HERC1: variants seen among roughly 807,000 people sequenced by gnomAD.
HERC1 encodes the protein probable E3 ubiquitin-protein ligase HERC1.
Under a neutral mutation model 554.3 loss-of-function variants are expected in HERC1, and 160 were observed. The observed-to-expected ratio is 0.29, with a 90% confidence interval of 0.25 to 0.33. The LOEUF is 0.33. Among genes scored for constraint, HERC1 ranks in the 10% least tolerant of loss-of-function variants. The pLI, the probability that HERC1 is intolerant of heterozygous loss-of-function variation, is 1.00. For synonymous variants in HERC1, 2,175 were observed against 2,131.7 expected (o/e 1.02, Z -0.56); for missense variants, 4,919 against 5,918.5 (o/e 0.83, Z 5.54).
At position 63,698,638 on chromosome 15, in the gene HERC1, A is replaced by G. The variant is rs915276328; in HGVS notation, c.4905+90T>C. On this transcript the variant is annotated intron_variant, in intron 26 of 77. Coordinates refer to ENST00000443617, the MANE Select transcript of HERC1 (RefSeq NM_003922.4). Reference sequence around the variant, plus strand: ...GAAAGGGGAAGGCAAGGAATAGAAGAAAAGGAAAGGTTTTCCCTAGAACTA... The same window carrying G: ...GAAAGGGGAAGGCAAGGAATAGAAGGAAAGGAAAGGTTTTCCCTAGAACTA... 57 of 1,306,902 alleles carry G rather than the reference A, an allele frequency of 4.4e-5. 1 individual carries two copies. In the South Asian group the frequency reaches 8.3e-4, roughly 19 times the overall value. 81.0% of individuals were successfully genotyped at this position (1,306,902 alleles called of 1,614,324 possible). A position where few individuals can be genotyped will look rare whatever the true frequency, so the allele number is the denominator to read the frequency against.
rs776332804 is a variant in HERC1 at position 63,612,563 on chromosome 15, C to A, written c.14095-7G>T. On this transcript the variant is annotated splice_polypyrimidine_tract_variant and splice_region_variant and intron_variant, in intron 76 of 77. Transcript: ENST00000443617. The surrounding 1 kb of genome is among the most constrained non-coding windows in gnomAD (Gnocchi z 5.0). ...CTTCTCGGACTGCAGCCACCTGCTC[C>A]CGGGAGAGGTTGCTCATTCAATGAG... The A allele has an allele frequency of 7.5e-6, 12 of 1,610,138 alleles. No homozygotes were observed. In the African/African-American group the frequency reaches 1.3e-4, roughly 18 times the overall value.
chr15:63,776,426 C>T (rs1295142172), intron 1 of HERC1, among the ~76,000 whole-genome samples: 2 of 152,142 alleles, frequency 1.3e-5, no homozygotes, highest in Non-Finnish European at 2.9e-5. Flanking sequence ...AATGGAACAC[C>T]CACTTTGGAA....
At chr15:63,625,948 A>C in intron 71 of HERC1, 37 bp downstream of exon 71, 2 of 1,583,364 alleles carry the variant, frequency 1.3e-6, no homozygotes, top group South Asian at 2.3e-5. Flanking sequence ...TTACCAAGCC[A>C]GTCTGTGCCT....
intron 70 of HERC1, 57 bp downstream of exon 70, chr15:63,628,620 C>T: frequency 1.3e-6 from 2 of 1,530,576 alleles, no homozygotes; most frequent in Non-Finnish European, 1.8e-6. Context: ...GCAGACAGTG[C>T]CATGGGGTAC....
rs1284974597 is a variant in HERC1, at chr15:63,699,119, T to C, written c.4637-123A>G. Reference sequence around the variant, plus strand: ...TGAAAAATGGATACTCATGTTTGAATACGCGCATGCATTAAGTGAATCTGA... The same window carrying C: ...TGAAAAATGGATACTCATGTTTGAACACGCGCATGCATTAAGTGAATCTGA... On this transcript the variant is annotated intron_variant, in intron 25 of 77. Transcript: ENST00000443617. The C allele has an allele frequency of 4.9e-6, 4 of 816,312 alleles. No homozygotes were observed. In the African/African-American group the frequency reaches 5.1e-5, roughly 10 times the overall value. The allele number at this position is 816,312 out of a possible 1,614,324, so 50.6% of individuals were successfully genotyped here.
rs151238719 is a variant in HERC1 at position 63,746,333 on chromosome 15, T to G, written c.2520+585A>C. Among the ~76,000 whole-genome samples, 1,083 of 152,290 alleles carry G rather than the reference T, an allele frequency of 7.1e-3. 14 individuals are homozygous for G. Among genetic ancestry groups the G allele is most frequent in the African/African-American group, 0.025 (1,042 of 41,552 alleles). ...TTAAAAATTACTGTACTTTCTATTA[T>G]TACCTACCAAAAGAGTTTATTTTCT... On this transcript the variant is annotated intron_variant, in intron 12 of 77. Transcript: ENST00000443617.
At chr15:63,807,780 A>C (rs1208216766) in intron 1 of HERC1, among the ~76,000 whole-genome samples, 1 of 152,092 alleles carries the variant, frequency 6.6e-6, no homozygotes, top group Non-Finnish European at 1.5e-5. Context: ...AGATATGTTC[A>C]ATCCTACCTT....
intron 68 of HERC1, chr15:63,632,430 C>T (rs1346553151): frequency 2.2e-6 from 1 of 461,530 alleles, no homozygotes; most frequent in South Asian, 2.1e-5. Context: ...GGCAGCATGT[C>T]AAGGGCAGTA....
At chr15:63,784,119 T>G (rs1197839111) in intron 1 of HERC1, among the ~76,000 whole-genome samples, 2 of 151,940 alleles carry the variant, frequency 1.3e-5, no homozygotes, top group Admixed American at 1.3e-4. Context: ...ATGAGCAAAT[T>G]TCCAAAGGTT....
At position 63,630,598 on chromosome 15, in the gene HERC1, A is replaced by C. The variant is rs1237604482; in HGVS notation, c.12834T>G (p.Asn4278Lys). 1 of 1,613,296 alleles carries C rather than the reference A, an allele frequency of 6.2e-7. No homozygotes were observed. Among genetic ancestry groups the C allele is most frequent in the Admixed American group, 1.7e-5 (1 of 59,870 alleles). Residue 4278 changes from asparagine (N) to lysine (K), a missense_variant, in exon 69 of 78, where the codon AAT (asparagine) becomes AAG (lysine). This residue lies in a region of HERC1 where 410 missense variants were observed against 467.0 expected (regional missense o/e 0.88). Coordinates refer to ENST00000443617, the MANE Select transcript of HERC1 (RefSeq NM_003922.4). ...CAGGGATTTGTTGCGGTCGATTGTGATTGCGAGCACGCCCCTCTGGCAAGC... is the reference window on the plus strand; with the variant it reads ...CAGGGATTTGTTGCGGTCGATTGTGCTTGCGAGCACGCCCCTCTGGCAAGC... The part of the protein sequence containing the change: ...LIGLPEGRAR[N>K]HNRPQQIPVL...
chr15:63,750,838 G>A (rs1424392428), intron 8 of HERC1, among the ~76,000 whole-genome samples: 1 of 152,122 alleles, frequency 6.6e-6, no homozygotes, highest in Non-Finnish European at 1.5e-5. Flanking sequence ...GAGCTGGGAT[G>A]GGGAAGATCT....
intron 74 of HERC1, among the ~76,000 whole-genome samples, chr15:63,619,842 C>A (rs1459194912): frequency 6.6e-6 from 1 of 151,954 alleles, no homozygotes. Flanking sequence ...GTGGTGATAT[C>A]CCCTTTGTCA....
intron 1 of HERC1, among the ~76,000 whole-genome samples, chr15:63,777,925 G>A (rs1217075243): frequency 6.6e-6 from 1 of 152,152 alleles, no homozygotes; most frequent in African/African-American, 2.4e-5. Context: ...TATAGGACAA[G>A]CTGAGTCCAA....
intron 1 of HERC1, among the ~76,000 whole-genome samples, chr15:63,819,745 T>TGAAAAATAA (rs2077621440): frequency 6.6e-6 from 1 of 152,194 alleles, no homozygotes; most frequent in South Asian, 2.1e-4. Flanking sequence ...GATGGGGTTT[T>TGAAAAATAA]CTATCAGCCA....
intron 24 of HERC1, 48 bp downstream of exon 24, chr15:63,712,727 A>G (rs754742610): frequency 9.5e-6 from 15 of 1,582,312 alleles, no homozygotes; most frequent in African/African-American, 1.4e-5. Context: ...TACATATCAT[A>G]TACCTTGAAA....
rs779350673 is a variant in HERC1 at position 63,694,568 on chromosome 15, G to A, written c.5243-19C>T. The A allele has an allele frequency of 1.9e-6, 3 of 1,594,106 alleles. No homozygotes were observed. Among genetic ancestry groups the A allele is most frequent in the African/African-American group, 1.3e-5 (1 of 74,404 alleles). ...TGGGCTTCTAAAAGACAAAGAGACAGTTAAGAATCTTCCTTTCAGTAAACA... is the reference window on the plus strand; with the variant it reads ...TGGGCTTCTAAAAGACAAAGAGACAATTAAGAATCTTCCTTTCAGTAAACA... On this transcript the variant is annotated intron_variant, in intron 28 of 77. Transcript: ENST00000443617. The surrounding 1 kb of genome is among the most constrained non-coding windows in gnomAD (Gnocchi z 4.3).
At chr15:63,660,110 G>C (rs532522425) in intron 46 of HERC1, among the ~76,000 whole-genome samples, 174 bp from the exon 47 acceptor site, 10 of 152,182 alleles carry the variant, frequency 6.6e-5, no homozygotes, top group African/African-American at 2.2e-4. Flanking sequence ...CATGAGGTCA[G>C]GAATTTGAGA....
chr15:63,664,824 G>A (rs1049910954), intron 42 of HERC1, among the ~76,000 whole-genome samples: 4 of 152,128 alleles, frequency 2.6e-5, no homozygotes, highest in African/African-American at 4.8e-5. Flanking sequence ...ACAACAAAAT[G>A]ATGTTTAATG....
chr15:63,740,418 T>C (rs2141334182), intron 12 of HERC1, among the ~76,000 whole-genome samples: 1 of 152,376 alleles, frequency 6.6e-6, no homozygotes, highest in South Asian at 2.1e-4. Context: ...TGTGGACATA[T>C]GTTTTCAATG....
Sources: allele counts gnomAD v4.1 joint callset (sites outside exome capture counted in the v4.1 genomes callset), GRCh38; gene constraint gnomAD v4.1.1; regional missense constraint gnomAD v4.1.1; non-coding constraint Gnocchi (gnomAD v3.1); transcripts MANE v1.5; gene names NCBI Gene and HGNC (gene_info 2026-07-23, HGNC 2026-07-21).